Variants in SOX5 observed in about 807,000 individuals in gnomAD.
SOX5 encodes the protein transcription factor SOX-5.
SOX5 carries 9 observed loss-of-function variants against 92.0 expected under a neutral mutation model. The observed-to-expected ratio is 0.10, with a 90% CI of 0.06 to 0.17. SOX5 has a LOEUF of 0.17. Among genes scored for constraint, SOX5 ranks in the 10% least tolerant of loss-of-function variants. The pLI is 1.00. For synonymous variants in SOX5, 344 were observed against 336.3 expected, an observed-to-expected ratio of 1.02 and a Z score of -0.25; for missense variants, 642 against 944.5, an observed-to-expected ratio of 0.68 and a Z score of 4.20.
chr12:23,576,087 T>C (rs1209612470), intron 9 of SOX5, among the ~76,000 whole-genome samples: 2 of 152,212 alleles, frequency 1.3e-5, no homozygotes, highest in African/African-American at 2.4e-5. Context: ...AGCAGATAAT[T>C]TTTGTAACCT....
intron 3 of SOX5, among the ~76,000 whole-genome samples, chr12:24,226,724 G>A (rs994659125): frequency 2.6e-5 from 4 of 152,066 alleles, no homozygotes; most frequent in South Asian, 2.1e-4. Context: ...ACCCGCCTTG[G>A]CCTCTCAAAG....
chr12:23,829,473 T>C (rs2096281008), intron 3 of SOX5, among the ~76,000 whole-genome samples: 1 of 152,140 alleles, frequency 6.6e-6, no homozygotes, highest in Non-Finnish European at 1.5e-5. Flanking sequence ...GAATAAGTGA[T>C]ATCCCCAAAA....
intron 3 of SOX5, among the ~76,000 whole-genome samples, chr12:23,842,741 A>C (rs922338927): frequency 6.6e-6 from 1 of 152,226 alleles, no homozygotes; most frequent in African/African-American, 2.4e-5. Flanking sequence ...ATATTCGTGA[A>C]TTCATACTGA....
intron 3 of SOX5, among the ~76,000 whole-genome samples, chr12:23,806,330 G>A (rs1002958857): frequency 6.6e-6 from 1 of 152,122 alleles, no homozygotes; most frequent in Admixed American, 6.5e-5. Context: ...ACAGAGGCAA[G>A]GTCAAGAAGC....
chr12:23,748,563 C>A (rs893865846), intron 4 of SOX5, among the ~76,000 whole-genome samples: 25 of 151,862 alleles, frequency 1.6e-4, no homozygotes, highest in African/African-American at 5.6e-4. Context: ...AGAAAAAGTA[C>A]AAGTAAACTC....
At chr12:23,829,950 A>G (rs553212370) in intron 3 of SOX5, among the ~76,000 whole-genome samples, 1 of 152,278 alleles carries the variant, frequency 6.6e-6, no homozygotes, top group East Asian at 1.9e-4. Flanking sequence ...ACTGGTACTC[A>G]GCTCCAGGAC....
chr12:23,704,015 TACG>T (rs1320599673), intron 6 of SOX5, among the ~76,000 whole-genome samples: 1 of 151,982 alleles, frequency 6.6e-6, no homozygotes, highest in African/African-American at 2.4e-5. Context: ...ATTAATATAA[TACG>T]ATTTCTAAAA....
In SOX5 at chr12:24,399,330, G is replaced by A. The variant is rs1349324689; in HGVS notation, c.-250-30691C>T. On this transcript the variant is annotated intron_variant, in intron 1 of 4. Transcript: ENST00000446891. Reference sequence around the variant, plus strand: ...TGGTAAAACAACTGATTTCTTCTCTGGTTGAACAAACTTTAAAAAACCAAT... The same window carrying A: ...TGGTAAAACAACTGATTTCTTCTCTAGTTGAACAAACTTTAAAAAACCAAT... 2.6e-5 allele frequency among the ~76,000 whole-genome samples: 4 copies of A among 152,074 alleles called. No individual in the cohort carries two copies. In the South Asian group the frequency reaches 8.3e-4, roughly 32 times the overall value.
At chr12:24,144,962 T>C (rs1037330408) in intron 4 of SOX5, among the ~76,000 whole-genome samples, 3 of 152,050 alleles carry the variant, frequency 2.0e-5, no homozygotes, top group Non-Finnish European at 2.9e-5. Flanking sequence ...AGACATGGTG[T>C]GCACCTGTAG....
At chr12:23,951,555 A>G (rs1171985605), upstream of SOX5, among the ~76,000 whole-genome samples, 2 of 152,182 alleles carry the variant, frequency 1.3e-5, no homozygotes, top group Non-Finnish European at 2.9e-5. Flanking sequence ...TTATATTAGT[A>G]AATTTATTTT....
intron 4 of SOX5, among the ~76,000 whole-genome samples, chr12:24,088,211 T>G (rs1944240212): frequency 6.6e-6 from 1 of 152,114 alleles, no homozygotes; most frequent in Non-Finnish European, 1.5e-5. Flanking sequence ...TTACATATTT[T>G]TCAGCATCAA....
At chr12:24,506,861 G>T (rs963510800) in intron 1 of SOX5, among the ~76,000 whole-genome samples, 1 of 134,792 alleles carries the variant, frequency 7.4e-6, no homozygotes, top group African/African-American at 2.9e-5. Flanking sequence ...CGCGATCTCG[G>T]CTCACTGTAA....
chr12:23,911,019 A>G (rs2138389236), intron 1 of SOX5, among the ~76,000 whole-genome samples: 1 of 152,244 alleles, frequency 6.6e-6, no homozygotes, highest in East Asian at 1.9e-4. Flanking sequence ...GTTACTTCCT[A>G]TTATTTTTTC....
intron 2 of SOX5, among the ~76,000 whole-genome samples, chr12:24,352,487 A>G (rs1172596321): frequency 2.0e-5 from 3 of 152,176 alleles, no homozygotes; most frequent in Non-Finnish European, 4.4e-5. Context: ...AAATGACCCA[A>G]CATTCAGGGC....
At chr12:24,019,761 C>T (rs2136663345) in intron 4 of SOX5, among the ~76,000 whole-genome samples, 2 of 152,258 alleles carry the variant, frequency 1.3e-5, no homozygotes, top group South Asian at 4.1e-4. Context: ...CTATAAGAAG[C>T]CATTCTCTTC....
At position 23,575,727 on chromosome 12, in the gene SOX5, C is replaced by A. The variant is rs1434540279; in HGVS notation, c.1276G>T (p.Ala426Ser). Reference protein sequence around the residue: ...HMPALRINSGAGPLKASVPAA... With the variant: ...HMPALRINSGSGPLKASVPAA... ...GGGACAGAGGCTTTGAGGGGGCCTG[C>A]CCCACTGTTTATTCTCAGAGCTGGC... The change falls in exon 10 of 15, where the codon GCA becomes TCA. Residue 426 changes from alanine (A) to serine (S), a missense_variant. Coordinates refer to ENST00000451604, the MANE Select transcript of SOX5 (RefSeq NM_006940.6). The A allele has an allele frequency of 6.2e-7, 1 of 1,613,906 alleles. No individual in the cohort carries two copies. The highest frequency in any genetic ancestry group is 8.5e-7 in the Non-Finnish European group (1 of 1,179,932).
At chr12:24,343,151 G>T (rs1286234182) in intron 2 of SOX5, among the ~76,000 whole-genome samples, 1 of 152,188 alleles carries the variant, frequency 6.6e-6, no homozygotes, top group Non-Finnish European at 1.5e-5. Context: ...CAGCCCAGTG[G>T]CTTGTACCAT....
chr12:23,953,252 C>A (rs186688745), upstream of SOX5, among the ~76,000 whole-genome samples: 15 of 152,076 alleles, frequency 9.9e-5, no homozygotes, highest in Admixed American at 9.8e-4. Context: ...TCAAAATGAT[C>A]CAATCAATAC....
intron 6 of SOX5, among the ~76,000 whole-genome samples, chr12:23,685,756 A>T: frequency 6.6e-6 from 1 of 151,766 alleles, no homozygotes; most frequent in Admixed American, 6.6e-5. Flanking sequence ...CCCTGGAGGG[A>T]CTCCATGGAC....
Sources: allele counts gnomAD v4.1 joint callset (sites outside exome capture counted in the v4.1 genomes callset), GRCh38; gene constraint gnomAD v4.1.1; transcripts MANE v1.5; gene names NCBI Gene and HGNC (gene_info 2026-07-23, HGNC 2026-07-21).